The following CCM2L variants were observed in gnomAD, a reference collection of about 807,000 sequenced individuals.
CCM2L encodes the protein CCM2 like scaffold protein.
Under a neutral mutation model 54.1 loss-of-function variants are expected in CCM2L, and 36 were observed. The ratio of observed to expected loss-of-function variants is 0.67; its 90% CI spans 0.51 to 0.88. The LOEUF (loss-of-function observed/expected upper bound fraction) is 0.88. Among genes scored for constraint, CCM2L ranks in the 40% least tolerant of loss-of-function variants. The pLI, the probability that CCM2L is intolerant of heterozygous loss-of-function variation, is 0.00. For synonymous variants in CCM2L, 351 were observed against 359.3 expected (o/e 0.98, Z 0.26); for missense variants, 700 against 812.1 (o/e 0.86, Z 1.68).
intron 7 of CCM2L, chr20:32,027,634 T>C (rs532326826): frequency 3.3e-5 from 5 of 152,340 alleles, no homozygotes; most frequent in African/African-American, 9.6e-5. Context: ...AGTATGGGAT[T>C]TGAACAGAAG....
At chr20:32,020,173 C>A (rs1021619129) in intron 5 of CCM2L, among the ~76,000 whole-genome samples, 2 of 152,212 alleles carry the variant, frequency 1.3e-5, no homozygotes, top group African/African-American at 4.8e-5. Flanking sequence ...AAGTTCTGAG[C>A]ATTCTAAGCT....
At chr20:32,028,418 A>AG (rs1351837457) in intron 7 of CCM2L, 4 of 148,834 alleles carry the variant, frequency 2.7e-5, no homozygotes, top group African/African-American at 7.7e-5. Context: ...TCAGTGACAG[A>AG]GCAAGAATCT....
chr20:32,018,827 G>C, intron 4 of CCM2L, 116 bp from the exon 5 acceptor site: 1 of 1,155,430 alleles, frequency 8.7e-7, no homozygotes, highest in South Asian at 3.8e-5. Flanking sequence ...AAAGCCGGGG[G>C]CGAGGCGGCG....
intron 8 of CCM2L, among the ~76,000 whole-genome samples, 192 bp from the exon 9 acceptor site, chr20:32,029,508 C>A (rs1390030536): frequency 6.6e-6 from 1 of 152,188 alleles, no homozygotes; most frequent in Non-Finnish European, 1.5e-5. Flanking sequence ...GATTTGCACT[C>A]AGGCAGCTTG....
rs760516738 is a variant in CCM2L, at chr20:32,029,792, A to G, written c.1356A>G (p.Thr452=). Reference sequence around the variant, plus strand: ...GGCTGCCCATCCAGGACTATTGCACAGGCCTGCTGAAGCTCTACGGAGACC... The same window carrying G: ...GGCTGCCCATCCAGGACTATTGCACGGGCCTGCTGAAGCTCTACGGAGACC... ...RLGLPIQDYC[T]GLLKLYGDRR... is the part of the protein sequence containing the mutation. Residue 452 remains threonine (T), a synonymous_variant, in exon 9 of 10, where the codon ACA becomes ACG. Transcript: ENST00000452892. The G allele has an allele frequency of 6.2e-6, 10 of 1,612,244 alleles. No individual in the cohort carries two copies. In the East Asian group the frequency reaches 2.2e-4, roughly 36 times the overall value.
intron 4 of CCM2L, 41 bp downstream of exon 4, chr20:32,018,203 G>GGGGGA (rs2064759024): frequency 3.3e-6 from 1 of 307,340 alleles, no homozygotes; most frequent in African/African-American, 4.8e-5. Context: ...GGGCGGGGGC[G>GGGGGA]GGGGCGGGGG....
chr20:32,027,543 A>G (rs2064874076), intron 7 of CCM2L, among the ~76,000 whole-genome samples: 1 of 152,228 alleles, frequency 6.6e-6, no homozygotes, highest in African/African-American at 2.4e-5. Context: ...AATTATTATT[A>G]TCCCATTATA....
chr20:32,025,045 C>T (rs952442511), intron 6 of CCM2L, among the ~76,000 whole-genome samples: 45 of 148,430 alleles, frequency 3.0e-4, no homozygotes, highest in African/African-American at 1.1e-3. Context: ...AAGTTTCTTC[C>T]TCTCTTTCTT....
Position 32,031,464 on chromosome 20 carries a change from G to A in CCM2L, c.*150G>A, listed in dbSNP as rs865792095. 58 of 556,194 alleles carry A rather than the reference G, an allele frequency of 1.0e-4. No individual in the cohort carries two copies. In the Middle Eastern group the frequency reaches 2.2e-3, roughly 21 times the overall value. 34.5% of individuals were successfully genotyped at this position (556,194 alleles called of 1,614,324 possible). On this transcript the variant is annotated 3_prime_UTR_variant, in exon 10 of 10. Transcript: ENST00000452892. ...CTCGCTCCCTGCCCTTGGGGCCCGG[G>A]GCCATGCAGTACCTGGAGTGTCCTG...
At chr20:32,021,958 C>T (rs1355720956) in intron 5 of CCM2L, among the ~76,000 whole-genome samples, 1 of 152,020 alleles carries the variant, frequency 6.6e-6, no homozygotes, top group African/African-American at 2.4e-5. Flanking sequence ...TTTTTTGTAT[C>T]CAACCATCCA....
At chr20:32,019,551 A>C (rs1600677685) in intron 5 of CCM2L, 142 bp downstream of exon 5, 2 of 541,914 alleles carry the variant, frequency 3.7e-6, no homozygotes, top group South Asian at 2.9e-5. Context: ...AATGGCTCCT[A>C]AACTCCGGAC....
chr20:32,025,976 G>A (rs908135866), intron 7 of CCM2L, 57 bp downstream of exon 7: 7 of 1,247,612 alleles, frequency 5.6e-6, no homozygotes, highest in Admixed American at 4.6e-5. Context: ...GCACAAACAG[G>A]GTGACTAGAG....
At position 32,017,990 on chromosome 20, in the gene CCM2L, G is replaced by T; in HGVS notation, c.294G>T (p.Glu98Asp). 1 of 1,613,726 alleles carries T rather than the reference G, an allele frequency of 6.2e-7. No homozygotes were observed. Among genetic ancestry groups the T allele is most frequent in the Non-Finnish European group, 8.5e-7 (1 of 1,179,930 alleles). The change falls in exon 4 of 10, where the codon GAG becomes GAT. Residue 98 changes from glutamate to aspartate, a missense_variant. Transcript: ENST00000452892. ...QLLDTARQLK[E>D]LPLKTTAEQD... ...GCCCCTCCCTGCAGCAGCTGAAGGAGCTGCCGCTGAAGACCACGGCGGAGC... is the reference window on the plus strand; with the variant it reads ...GCCCCTCCCTGCAGCAGCTGAAGGATCTGCCGCTGAAGACCACGGCGGAGC...
intron 1 of CCM2L, among the ~76,000 whole-genome samples, chr20:32,013,236 C>CTGCA (rs1423114177): frequency 3.9e-5 from 6 of 152,184 alleles, no homozygotes; most frequent in African/African-American, 1.4e-4. Flanking sequence ...GAGATCAAGG[C>CTGCA]TGCAGTGAGC....
chr20:32,015,116 G>C (rs2064730864), intron 2 of CCM2L, 45 bp downstream of exon 2: 1 of 1,440,972 alleles, frequency 6.9e-7, no homozygotes, highest in Non-Finnish European at 9.2e-7. Flanking sequence ...GGGGTGAGGA[G>C]ACCTTCACTT....
intron 6 of CCM2L, among the ~76,000 whole-genome samples, chr20:32,025,466 C>T (rs1341941811): frequency 6.6e-6 from 1 of 152,096 alleles, no homozygotes. Flanking sequence ...TAAGGTCGCT[C>T]TATGTTGTCC....
chr20:32,029,183 A>G, intron 8 of CCM2L, 59 bp downstream of exon 8: 4 of 1,611,482 alleles, frequency 2.5e-6, no homozygotes, highest in Non-Finnish European at 3.4e-6. Context: ...TGGAGTAAAC[A>G]TTTTGGGAAT....
chr20:32,029,103 GT>G lies in CCM2L; in HGVS notation c.1244del (p.Leu415TyrfsTer41). ...SDHSSLGLEQ[L>X]QDYMVTLRSK... The stretch of plus-strand genomic sequence containing the variant: ...ACCACAGCAGTCTGGGCTTGGAGCA[GT>G]TACAGGATTACATGGTCACGGTGAG... On this transcript the variant is annotated frameshift_variant, in exon 8 of 10. Transcript: ENST00000452892. LOFTEE classifies it high-confidence loss of function. 1 of 1,614,210 alleles carries G rather than the reference GT, an allele frequency of 6.2e-7. No individual in the cohort carries two copies.
intron 2 of CCM2L, among the ~76,000 whole-genome samples, chr20:32,017,573 C>A (rs929224851): frequency 7.2e-5 from 11 of 152,178 alleles, no homozygotes; most frequent in African/African-American, 2.7e-4. Context: ...CCACACCCTG[C>A]CTTGGTTTTT....
Sources: gnomAD v4.1 joint callset for allele counts (sites outside exome capture counted in the v4.1 genomes callset) on GRCh38, gnomAD v4.1.1 for gene constraint, MANE v1.5 for transcripts, NCBI Gene and HGNC (gene_info 2026-07-23, HGNC 2026-07-21) for gene names.